NIPBL: variants seen among roughly 807,000 people sequenced by gnomAD.
The protein encoded by NIPBL is nipped-B-like protein.
NIPBL carries 19 observed loss-of-function variants against 321.8 expected under a neutral mutation model. The ratio of observed to expected loss-of-function variants is 0.06; its 90% confidence interval spans 0.04 to 0.09. NIPBL has a LOEUF of 0.09. Among genes scored for constraint, NIPBL ranks in the 10% least tolerant of loss-of-function variants. NIPBL has a pLI of 1.00. For missense variants in NIPBL, 2,210 were observed against 3,327.0 expected, an observed-to-expected ratio of 0.66 and a Z score of 8.26; for synonymous variants, 1,106 against 1,114.1, an observed-to-expected ratio of 0.99 and a Z score of 0.14.
At chr5:36,944,772 T>C (rs1198602341) in intron 1 of NIPBL, among the ~76,000 whole-genome samples, 1 of 152,112 alleles carries the variant, frequency 6.6e-6, no homozygotes, top group Non-Finnish European at 1.5e-5. Context: ...TTTAATTTTC[T>C]CACTTATTTA....
chr5:36,994,817 A>T (rs1180545786), intron 10 of NIPBL, among the ~76,000 whole-genome samples: 1 of 151,976 alleles, frequency 6.6e-6, no homozygotes, highest in Non-Finnish European at 1.5e-5. Flanking sequence ...GTTTGTGTGT[A>T]TGTGTGTAGG....
In NIPBL at chr5:37,023,689, G is replaced by C. The variant is rs300062; in HGVS notation, c.5575-896G>C. On this transcript the variant is annotated intron_variant, in intron 29 of 46. Coordinates refer to ENST00000282516, the MANE Select transcript of NIPBL (RefSeq NM_133433.4). Reference sequence around the variant, plus strand: ...CTTCTTTTTTAAGAATCAGAATTCAGTCAAAGGTAATACATTGCATTTGGG... The same window carrying C: ...CTTCTTTTTTAAGAATCAGAATTCACTCAAAGGTAATACATTGCATTTGGG... 3.9e-3 allele frequency among the ~76,000 whole-genome samples: 577 copies of C among 147,286 alleles called. 4 individuals are homozygous for C. Among genetic ancestry groups the C allele is most frequent in the African/African-American group, 0.014 (547 of 40,092 alleles).
chr5:36,932,344 G>A (rs1361441066), intron 1 of NIPBL, among the ~76,000 whole-genome samples: 1 of 152,138 alleles, frequency 6.6e-6, no homozygotes, highest in Non-Finnish European at 1.5e-5. Flanking sequence ...CTGTCGGTTT[G>A]TGCTTCATAT....
intron 1 of NIPBL, among the ~76,000 whole-genome samples, chr5:36,948,477 A>G (rs1739929307): frequency 1.3e-5 from 2 of 151,948 alleles, no homozygotes; most frequent in African/African-American, 4.8e-5. Context: ...GTTTAAAGCA[A>G]TTTATTAAAT....
At chr5:36,887,801 C>T (rs552337678) in intron 1 of NIPBL, among the ~76,000 whole-genome samples, 1 of 152,262 alleles carries the variant, frequency 6.6e-6, no homozygotes, top group Non-Finnish European at 1.5e-5. Context: ...TATCAGGTAC[C>T]TCCTGATGTC....
chr5:37,049,358 G>A (rs1012778887), intron 40 of NIPBL, 57 bp downstream of exon 40: 1 of 1,527,036 alleles, frequency 6.5e-7, no homozygotes, highest in East Asian at 2.2e-5. Flanking sequence ...GTTGTAATTT[G>A]ATACATTGTG....
At chr5:36,920,615 G>A (rs780747731) in intron 1 of NIPBL, among the ~76,000 whole-genome samples, 2 of 152,056 alleles carry the variant, frequency 1.3e-5, no homozygotes, top group Admixed American at 6.6e-5. Context: ...AAAAATGTAC[G>A]TGGCATATTA....
In NIPBL at chr5:37,044,394, G is replaced by A. The variant is rs886039531; in HGVS notation, c.6156G>A (p.Glu2052=). 6.2e-7 allele frequency: 1 copy of A among 1,613,832 alleles called. No homozygotes were observed. The highest frequency in any genetic ancestry group is 8.5e-7 in the Non-Finnish European group (1 of 1,179,896). ...TCTGCAATGTTGCAAAAATCCTAGA[G>A]CTAGTTGTACCACTGATGGAGCATC... ...MVICNVAKIL[E]LVVPLMEHPS... The change falls in exon 35 of 47, where the codon GAG becomes GAA. Residue 2052 remains glutamate (E), a synonymous_variant. Transcript: ENST00000282516.
chr5:36,902,627 G>A (rs113303415), intron 1 of NIPBL, among the ~76,000 whole-genome samples: 16,092 of 152,204 alleles, frequency 0.11, 1,124 homozygotes, highest in Admixed American at 0.19. Flanking sequence ...CCAGTACTGT[G>A]CTGTTTTGGT....
At chr5:36,904,013 C>G (rs1253440325) in intron 1 of NIPBL, among the ~76,000 whole-genome samples, 1 of 151,934 alleles carries the variant, frequency 6.6e-6, no homozygotes, top group Admixed American at 6.6e-5. Flanking sequence ...GAGTGTAAGC[C>G]AGAATTATAT....
intron 32 of NIPBL, among the ~76,000 whole-genome samples, chr5:37,035,879 C>T (rs545354673): frequency 6.6e-6 from 1 of 152,296 alleles, no homozygotes; most frequent in South Asian, 2.1e-4. Flanking sequence ...GCTCTATCCT[C>T]ATCTCATTAT....
At chr5:36,907,802 A>C (rs1041910768) in intron 1 of NIPBL, among the ~76,000 whole-genome samples, 14 of 152,336 alleles carry the variant, frequency 9.2e-5, no homozygotes, top group Admixed American at 5.2e-4. Flanking sequence ...ATAATAACTA[A>C]ACTAAATAAA....
intron 24 of NIPBL, 28 bp downstream of exon 24, chr5:37,017,190 G>A (rs1749091845): frequency 1.9e-6 from 3 of 1,570,732 alleles, no homozygotes; most frequent in Non-Finnish European, 2.6e-6. Context: ...TAAAATTATG[G>A]GAATGAATAA....
intron 10 of NIPBL, 134 bp from the exon 11 acceptor site, chr5:36,995,488 A>G: frequency 1.6e-6 from 1 of 641,324 alleles, no homozygotes; most frequent in Admixed American, 2.7e-5. Flanking sequence ...TAAGAGTATT[A>G]TAGTTGTGTT....
At chr5:36,883,030 C>A (rs193276317) in intron 1 of NIPBL, among the ~76,000 whole-genome samples, 6 of 151,738 alleles carry the variant, frequency 4.0e-5, no homozygotes, top group Admixed American at 1.3e-4. Flanking sequence ...GAATAAGTAG[C>A]TTTAGAAAAT....
intron 8 of NIPBL, among the ~76,000 whole-genome samples, chr5:36,975,333 T>G (rs1743320160): frequency 6.6e-6 from 1 of 152,158 alleles, no homozygotes; most frequent in Non-Finnish European, 1.5e-5. Flanking sequence ...ATTGTTATTT[T>G]TGTGTAATTT....
intron 1 of NIPBL, among the ~76,000 whole-genome samples, chr5:36,932,320 T>G (rs994959393): frequency 3.3e-5 from 5 of 152,212 alleles, no homozygotes; most frequent in Non-Finnish European, 7.4e-5. Context: ...TCTAGTTATA[T>G]TTATCATTCA....
chr5:37,012,956 G>A (rs1748352816), intron 21 of NIPBL, among the ~76,000 whole-genome samples: 2 of 152,208 alleles, frequency 1.3e-5, no homozygotes, highest in Non-Finnish European at 2.9e-5. Context: ...TTGTCATCAT[G>A]GCCCGTTCTC....
chr5:37,051,860 G>C lies in NIPBL; in HGVS notation c.7036G>C (p.Asp2346His), dbSNP rs754381730. Residue 2346 changes from aspartate (D) to histidine (H), a missense_variant, in exon 41 of 47, where the codon GAC becomes CAC. Asp to His is a moderately conservative substitution (Grantham distance 81). This residue lies in a region of NIPBL where 112 missense variants were observed against 288.3 expected (regional missense o/e 0.39). Coordinates refer to ENST00000282516, the MANE Select transcript of NIPBL (RefSeq NM_133433.4). ...NKADQQLVEI[D>H]KKYAGFIHMK... ...GGCTGATCAGCAACTTGTGGAAATAGACAAAAAATATGCTGGATTCATTCA... is the reference window on the plus strand; with the variant it reads ...GGCTGATCAGCAACTTGTGGAAATACACAAAAAATATGCTGGATTCATTCA... The C allele has an allele frequency of 6.2e-7, 1 of 1,613,304 alleles. No individual in the cohort carries two copies. The highest frequency in any genetic ancestry group is 8.5e-7 in the Non-Finnish European group (1 of 1,179,458).
Sources: allele counts gnomAD v4.1 joint callset (sites outside exome capture counted in the v4.1 genomes callset), GRCh38; gene constraint gnomAD v4.1.1; regional missense constraint gnomAD v4.1.1; transcripts MANE v1.5; gene names NCBI Gene and HGNC (gene_info 2026-07-23, HGNC 2026-07-21).